Variants in CFAP36 observed in about 807,000 individuals in gnomAD.
CFAP36 encodes cilia- and flagella-associated protein 36.
In CFAP36, 37 loss-of-function variants were observed where a neutral mutation model predicts 50.5. The ratio of observed to expected loss-of-function variants is 0.73; its 90% CI spans 0.56 to 0.96. The LOEUF is 0.96. Ranked by LOEUF, CFAP36 falls within the 50% of genes least tolerant of loss-of-function variation. CFAP36 has a pLI of 0.00. For missense variants in CFAP36, 407 were observed against 396.2 expected (o/e 1.03, Z -0.23); for synonymous variants, 138 against 128.2 (o/e 1.08, Z -0.52).
At chr2:55,523,097 C>CAAA (rs1171309942) in intron 2 of CFAP36, among the ~76,000 whole-genome samples, 2 of 109,178 alleles carry the variant, frequency 1.8e-5, no homozygotes, top group Non-Finnish European at 3.8e-5. Flanking sequence ...GACTCTGTCT[C>CAAA]AAAAAAAAAA....
intron 6 of CFAP36, among the ~76,000 whole-genome samples, chr2:55,536,447 C>T (rs1436345352): frequency 6.6e-6 from 1 of 151,126 alleles, no homozygotes; most frequent in African/African-American, 2.4e-5. Context: ...ACCTTTTATA[C>T]TCTTTTATTT....
intron 3 of CFAP36, among the ~76,000 whole-genome samples, chr2:55,525,790 C>T (rs962727624): frequency 6.6e-5 from 10 of 152,170 alleles, no homozygotes; most frequent in African/African-American, 2.4e-4. Context: ...ACCACCATGC[C>T]CGGCTAAGTT....
chr2:55,525,076 C>G (rs889794614), intron 3 of CFAP36, among the ~76,000 whole-genome samples: 1 of 152,046 alleles, frequency 6.6e-6, no homozygotes, highest in Non-Finnish European at 1.5e-5. Flanking sequence ...GAGCCAGTAT[C>G]CCCAGCCCAG....
intron 6 of CFAP36, among the ~76,000 whole-genome samples, chr2:55,536,626 A>G (rs916794167): frequency 8.0e-5 from 12 of 150,562 alleles, no homozygotes; most frequent in African/African-American, 2.9e-4. Flanking sequence ...AATTTTTTGT[A>G]TTTTCAGTAG....
At chr2:55,530,090 C>T (rs372931317) in intron 4 of CFAP36, among the ~76,000 whole-genome samples, 108 of 152,220 alleles carry the variant, frequency 7.1e-4, no homozygotes, top group African/African-American at 1.8e-3. Flanking sequence ...TGAATTCCCA[C>T]GTGTTGTGGG....
chr2:55,533,638 T>G (rs1270381812), intron 4 of CFAP36, among the ~76,000 whole-genome samples: 3 of 150,062 alleles, frequency 2.0e-5, no homozygotes, highest in African/African-American at 7.4e-5. Flanking sequence ...GAGGTTGCAG[T>G]GAGCCCAGAT....
intron 6 of CFAP36, chr2:55,535,982 A>G (rs1558912784): frequency 1.1e-6 from 1 of 908,826 alleles, no homozygotes; most frequent in Non-Finnish European, 1.5e-6. Flanking sequence ...TTAACTGTAT[A>G]TAGTACAAAC....
Position 55,544,033 on chromosome 2 carries a change from A to T in CFAP36, c.736A>T (p.Ile246Phe), listed in dbSNP as rs1045920. 0.07 allele frequency: 113,661 copies of T among 1,613,754 alleles called. 7,929 individuals carry two copies. The highest frequency in any genetic ancestry group is 0.37 in the African/African-American group (27,747 of 74,898). Reference protein sequence around the residue: ...TSSLPQKDLKIPGLEHASIEG... With the variant: ...TSSLPQKDLKFPGLEHASIEG... ...CTCCCTCCCACAAAAAGACCTGAAG[A>T]TTCCTGGCTTAGAGCATGCGAGCAT... is the stretch of plus-strand genomic sequence containing the variant. Residue 246 changes from isoleucine to phenylalanine, a missense_variant, in exon 8 of 10, where the codon ATT becomes TTT. Coordinates refer to ENST00000349456, the MANE Select transcript of CFAP36 (RefSeq NM_080667.7).
At chr2:55,539,627 G>T (rs1338772245) in intron 7 of CFAP36, 5 of 152,158 alleles carry the variant, frequency 3.3e-5, no homozygotes, top group Admixed American at 1.3e-4. Flanking sequence ...AGCTCCTTTG[G>T]GTAAATACCA....
intron 5 of CFAP36, among the ~76,000 whole-genome samples, chr2:55,534,169 T>C (rs1269200170): frequency 2.0e-4 from 30 of 152,164 alleles, no homozygotes; most frequent in Non-Finnish European, 1.5e-4. Flanking sequence ...TCAGTCCAAA[T>C]GAAAGGGTCT....
At chr2:55,534,322 G>A (rs994443534) in intron 5 of CFAP36, among the ~76,000 whole-genome samples, 1 of 152,198 alleles carries the variant, frequency 6.6e-6, no homozygotes, top group Non-Finnish European at 1.5e-5. Flanking sequence ...TATGGAGGTG[G>A]CATATTCTAG....
intron 1 of CFAP36, among the ~76,000 whole-genome samples, chr2:55,520,999 G>A (rs1047478706): frequency 6.6e-6 from 1 of 152,176 alleles, no homozygotes; most frequent in African/African-American, 2.4e-5. Flanking sequence ...CAAATGGTCG[G>A]TTATCCTGGA....
intron 1 of CFAP36, among the ~76,000 whole-genome samples, chr2:55,521,603 G>A (rs1684067493): frequency 6.7e-6 from 1 of 149,708 alleles, no homozygotes; most frequent in Non-Finnish European, 1.5e-5. Context: ...ATATGTGTGT[G>A]TGTGTGTGTG....
At chr2:55,528,350 A>G (rs1356844614) in intron 3 of CFAP36, among the ~76,000 whole-genome samples, 1 of 151,680 alleles carries the variant, frequency 6.6e-6, no homozygotes, top group African/African-American at 2.4e-5. Flanking sequence ...TTTTTAAACA[A>G]CTTTATTGAG....
chr2:55,532,600 A>G (rs1328828720), intron 4 of CFAP36, among the ~76,000 whole-genome samples: 2 of 152,238 alleles, frequency 1.3e-5, no homozygotes, highest in East Asian at 3.8e-4. Context: ...TAGTTTTGTA[A>G]GATGTTACCA....
intron 3 of CFAP36, among the ~76,000 whole-genome samples, chr2:55,525,668 T>G: frequency 6.6e-6 from 1 of 152,110 alleles, no homozygotes; most frequent in Non-Finnish European, 1.5e-5. Context: ...TTCGCTCTTG[T>G]TGCTCAGGCT....
In CFAP36 at chr2:55,544,050, T is replaced by C; in HGVS notation, c.753T>C (p.His251=). The change falls in exon 8 of 10, where the codon CAT becomes CAC. Residue 251 remains histidine (H), a synonymous_variant. Coordinates refer to ENST00000349456, the MANE Select transcript of CFAP36 (RefSeq NM_080667.7). ...QKDLKIPGLE[H]ASIEGPIANL... is the part of the protein sequence containing the mutation. ...ACCTGAAGATTCCTGGCTTAGAGCA[T>C]GCGAGCATTGAAGGACCAATAGCAG... 5 of 1,613,952 alleles carry C rather than the reference T, an allele frequency of 3.1e-6. No individual in the cohort carries two copies. The highest frequency in any genetic ancestry group is 1.1e-5 in the South Asian group (1 of 91,064).
chr2:55,528,119 C>G (rs1302550779), intron 3 of CFAP36, among the ~76,000 whole-genome samples: 1 of 151,388 alleles, frequency 6.6e-6, no homozygotes, highest in Non-Finnish European at 1.5e-5. Context: ...TCCCAAAGTG[C>G]TGGGATTACA....
intron 1 of CFAP36, among the ~76,000 whole-genome samples, chr2:55,521,878 CCT>C (rs1363743357): frequency 6.6e-6 from 1 of 152,122 alleles, no homozygotes; most frequent in African/African-American, 2.4e-5. Flanking sequence ...GATCCACCCA[CCT>C]TGGCCTCCGA....
Sources: allele counts gnomAD v4.1 joint callset (sites outside exome capture counted in the v4.1 genomes callset), GRCh38; gene constraint gnomAD v4.1.1; transcripts MANE v1.5; gene names NCBI Gene and HGNC (gene_info 2026-07-23, HGNC 2026-07-21).